The following CDH18 variants were observed in gnomAD, a reference collection of about 807,000 sequenced individuals.
CDH18 encodes the protein cadherin 18, also known as cadherin-18.
Under a neutral mutation model 67.9 loss-of-function variants are expected in CDH18, and 31 were observed. That is an observed-to-expected ratio of 0.46 (90% CI 0.34 to 0.62). The LOEUF is 0.62. Among genes scored for constraint, CDH18 ranks in the 20% least tolerant of loss-of-function variants. The pLI is 0.01. For synonymous variants in CDH18, 362 were observed against 347.2 expected (o/e 1.04, Z -0.48); for missense variants, 890 against 975.5 (o/e 0.91, Z 1.17).
At chr5:19,688,588 C>T (rs1761439120) in intron 5 of CDH18, among the ~76,000 whole-genome samples, 1 of 152,072 alleles carries the variant, frequency 6.6e-6, no homozygotes, top group African/African-American at 2.4e-5. Flanking sequence ...GTGACTGTTA[C>T]ACCATATGCA....
chr5:20,344,962 GC>G (rs1465114088), intron 1 of CDH18, among the ~76,000 whole-genome samples: 39 of 152,224 alleles, frequency 2.6e-4, no homozygotes, highest in African/African-American at 8.9e-4. Context: ...GTGTGTTGCT[GC>G]CCTTGCCAGC....
intron 2 of CDH18, among the ~76,000 whole-genome samples, chr5:20,200,017 G>A (rs766295528): frequency 1.3e-5 from 2 of 152,088 alleles, no homozygotes; most frequent in Non-Finnish European, 2.9e-5. Context: ...AAATTGCTCA[G>A]TCTTGGGTAT....
Position 20,573,235 on chromosome 5 carries a change from T to C in CDH18, c.-580+2227A>G, listed in dbSNP as rs189624883. The stretch of plus-strand genomic sequence containing the variant: ...AACAGTGCTAAGAAATTAAAAGTAT[T>C]TTTGAAGGAAGAGTATGTCTATTCA... On this transcript the variant is annotated intron_variant, in intron 1 of 14. Transcript: ENST00000507958. Among the ~76,000 whole-genome samples, 657 of 152,110 alleles carry C rather than the reference T, an allele frequency of 4.3e-3. 5 individuals carry two copies. The highest frequency in any genetic ancestry group is 0.014 in the African/African-American group (585 of 41,534).
chr5:20,095,939 G>GA (rs1745954480), intron 2 of CDH18, among the ~76,000 whole-genome samples: 1 of 151,686 alleles, frequency 6.6e-6, no homozygotes, highest in Admixed American at 6.6e-5. Flanking sequence ...AGGCTGAACT[G>GA]CAAAATAGGT....
intron 3 of CDH18, among the ~76,000 whole-genome samples, chr5:19,771,436 C>G (rs1377086625): frequency 1.3e-5 from 2 of 152,202 alleles, no homozygotes; most frequent in African/African-American, 2.4e-5. Context: ...AAACTGATGA[C>G]TCCAGTCCAC....
chr5:20,557,835 AATGTAACATTGTT>A, intron 1 of CDH18, among the ~76,000 whole-genome samples: 1 of 151,382 alleles, frequency 6.6e-6, no homozygotes, highest in Middle Eastern at 3.4e-3. Context: ...CATAACATTA[AATGTAACATTGTT>A]ATATAACATT....
chr5:19,799,912 T>C (rs1446061311), intron 3 of CDH18, among the ~76,000 whole-genome samples: 1 of 152,172 alleles, frequency 6.6e-6, no homozygotes, highest in Non-Finnish European at 1.5e-5. Context: ...CCCCAGTTTT[T>C]CTGTTCAAGA....
At chr5:20,529,945 A>T (rs1756298293) in intron 1 of CDH18, among the ~76,000 whole-genome samples, 1 of 152,040 alleles carries the variant, frequency 6.6e-6, no homozygotes, top group South Asian at 2.1e-4. Flanking sequence ...GAGGCGGTCA[A>T]ATTGTCTTTG....
chr5:20,554,797 A>C (rs934513724), intron 1 of CDH18, among the ~76,000 whole-genome samples: 1 of 152,192 alleles, frequency 6.6e-6, no homozygotes, highest in African/African-American at 2.4e-5. Flanking sequence ...TATGAGTTGG[A>C]ACACTTGAAC....
In CDH18 at chr5:20,471,788, C is replaced by CGACA; in HGVS notation, c.-580+103670_-580+103673dup. On this transcript the variant is annotated intron_variant, in intron 1 of 14. Coordinates refer to the CDH18 transcript ENST00000507958. ...CTGCACTCCAGCACTCCAGCCTGGG[C>CGACA]GACAGATCAGCACTCCAGCCTGGGC... Among the ~76,000 whole-genome samples the CGACA allele has an allele frequency of 2.3e-5, 3 of 129,990 alleles. No individual in the cohort carries two copies. The South Asian group carries it at 7.5e-4, about 32-fold the overall frequency. The allele number at this position is 129,990 out of a possible 152,430, so 85.3% of individuals were successfully genotyped here. A position where few individuals can be genotyped will look rare whatever the true frequency, so the allele number is the denominator to read the frequency against.
At chr5:19,664,086 A>C (rs1168578212) in intron 5 of CDH18, among the ~76,000 whole-genome samples, 2 of 151,946 alleles carry the variant, frequency 1.3e-5, no homozygotes, top group African/African-American at 4.8e-5. Context: ...AGCAACACTA[A>C]ATTATTAATC....
intron 2 of CDH18, among the ~76,000 whole-genome samples, chr5:20,220,908 A>T (rs1430738520): frequency 6.6e-6 from 1 of 152,124 alleles, no homozygotes; most frequent in Non-Finnish European, 1.5e-5. Flanking sequence ...TTCAAATGAA[A>T]ACTACAATGA....
intron 1 of CDH18, among the ~76,000 whole-genome samples, chr5:20,418,526 C>A (rs1747542179): frequency 6.6e-6 from 1 of 151,648 alleles, no homozygotes; most frequent in Non-Finnish European, 1.5e-5. Context: ...CTACTAAATA[C>A]CCTGTAATGA....
intron 1 of CDH18, chr5:20,304,411 T>C: frequency 2.8e-6 from 4 of 1,417,388 alleles, no homozygotes; most frequent in Admixed American, 1.7e-5. Context: ...CAGTAACTAC[T>C]ACTTTGGGTA....
rs75589643 is a variant in CDH18, at chr5:19,996,564, G to A, written c.-517-4550C>T. On this transcript the variant is annotated intron_variant, in intron 2 of 14. Transcript: ENST00000507958. ...CCAACACCATTAGTGAAGTGTAAAA[G>A]GTTAAATAGTTCCTCACTACCTTCT... Among the ~76,000 whole-genome samples, 1,011 of 152,004 alleles carry A rather than the reference G, an allele frequency of 6.7e-3. 14 individuals carry two copies. The highest frequency in any genetic ancestry group is 0.023 in the African/African-American group (966 of 41,494).
chr5:20,358,486 A>C (rs1741815690), intron 1 of CDH18, among the ~76,000 whole-genome samples: 1 of 152,188 alleles, frequency 6.6e-6, no homozygotes, highest in Non-Finnish European at 1.5e-5. Flanking sequence ...TAGGTGTTAC[A>C]TCCTTATGCA....
At chr5:20,213,881 T>G (rs1005156635) in intron 2 of CDH18, among the ~76,000 whole-genome samples, 3 of 152,082 alleles carry the variant, frequency 2.0e-5, no homozygotes. Flanking sequence ...TCAGTCTCAT[T>G]TAGTTTAGTT....
At chr5:20,309,572 A>G (rs1190295752) in intron 1 of CDH18, among the ~76,000 whole-genome samples, 1 of 152,238 alleles carries the variant, frequency 6.6e-6, no homozygotes, top group Non-Finnish European at 1.5e-5. Flanking sequence ...ATGATAACTG[A>G]AGACAGTTAC....
At chr5:20,281,094 A>T (rs893831044) in intron 1 of CDH18, among the ~76,000 whole-genome samples, 1 of 151,834 alleles carries the variant, frequency 6.6e-6, no homozygotes, top group Non-Finnish European at 1.5e-5. Flanking sequence ...TTCTTTGTGG[A>T]TTCTGGATAT....
Sources: gnomAD v4.1 joint callset for allele counts (sites outside exome capture counted in the v4.1 genomes callset) on GRCh38, gnomAD v4.1.1 for gene constraint, MANE v1.5 for transcripts, NCBI Gene and HGNC (gene_info 2026-07-23, HGNC 2026-07-21) for gene names.